RBMS3: variants seen among roughly 807,000 people sequenced by gnomAD.
The protein encoded by RBMS3 is RNA binding motif single stranded interacting protein 3.
In RBMS3, 27 loss-of-function variants were observed where a neutral mutation model predicts 66.8. The observed-to-expected ratio is 0.40, with a 90% CI of 0.30 to 0.56. The LOEUF (loss-of-function observed/expected upper bound fraction) is 0.56, where lower values mean the gene tolerates loss of function less well. Ranked by LOEUF, RBMS3 falls within the 20% of genes least tolerant of loss-of-function variation. RBMS3 has a pLI of 0.40. For missense variants in RBMS3, 513 were observed against 549.5 expected, an observed-to-expected ratio of 0.93 and a Z score of 0.66; for synonymous variants, 188 against 183.0, an observed-to-expected ratio of 1.03 and a Z score of -0.22.
chr3:29,994,660 C>T (rs886768839), intron 14 of RBMS3, among the ~76,000 whole-genome samples: 10 of 152,230 alleles, frequency 6.6e-5, no homozygotes, highest in African/African-American at 2.4e-4. Flanking sequence ...CCAGCAGGGG[C>T]ACACTGACAC....
intron 3 of RBMS3, among the ~76,000 whole-genome samples, chr3:29,534,938 A>T (rs768784370): frequency 6.6e-6 from 1 of 151,582 alleles, no homozygotes; most frequent in African/African-American, 2.4e-5. Context: ...CCCAACACAA[A>T]TTGAGAAAAG....
At chr3:29,597,150 T>G (rs2034911) in intron 4 of RBMS3, among the ~76,000 whole-genome samples, 22,767 of 152,216 alleles carry the variant, frequency 0.15, 1,960 homozygotes, top group East Asian at 0.32. Flanking sequence ...CTTGCATATA[T>G]TTACATGTGT....
intron 8 of RBMS3, among the ~76,000 whole-genome samples, chr3:29,890,796 T>C (rs1249562231): frequency 6.6e-6 from 1 of 151,602 alleles, no homozygotes; most frequent in Non-Finnish European, 1.5e-5. Flanking sequence ...ATGGTGATTC[T>C]CTGGGAAGGG....
At chr3:29,421,580 C>A (rs1379804246) in intron 1 of RBMS3, among the ~76,000 whole-genome samples, 1 of 152,080 alleles carries the variant, frequency 6.6e-6, no homozygotes, top group African/African-American at 2.4e-5. Flanking sequence ...TTAATTAGTA[C>A]TTTTACAACT....
chr3:29,723,304 C>T (rs547023340), intron 4 of RBMS3, among the ~76,000 whole-genome samples: 2 of 152,172 alleles, frequency 1.3e-5, no homozygotes, highest in South Asian at 2.1e-4. Flanking sequence ...ATACACTGAT[C>T]GTTCTAGCCT....
chr3:29,818,698 A>G (rs1291762082), intron 6 of RBMS3, among the ~76,000 whole-genome samples: 1 of 152,150 alleles, frequency 6.6e-6, no homozygotes, highest in Non-Finnish European at 1.5e-5. Flanking sequence ...TACCATAACT[A>G]TTGGTTAATT....
intron 2 of RBMS3, among the ~76,000 whole-genome samples, chr3:29,441,932 A>G (rs2041636103): frequency 6.6e-6 from 1 of 152,184 alleles, no homozygotes. Context: ...GAAGTATTAA[A>G]AATGAATATT....
chr3:29,734,029 C>T (rs1576647098), intron 4 of RBMS3, among the ~76,000 whole-genome samples: 1 of 150,974 alleles, frequency 6.6e-6, no homozygotes, highest in Non-Finnish European at 1.5e-5. Flanking sequence ...CACACACCCA[C>T]ACACACACAC....
chr3:29,717,925 A>T (rs575871493), intron 4 of RBMS3, among the ~76,000 whole-genome samples: 1 of 152,248 alleles, frequency 6.6e-6, no homozygotes, highest in Non-Finnish European at 1.5e-5. Flanking sequence ...ATTCATAAAG[A>T]TCATGAATGC....
intron 4 of RBMS3, among the ~76,000 whole-genome samples, chr3:29,697,300 C>G (rs1479983629): frequency 6.6e-6 from 1 of 152,162 alleles, no homozygotes; most frequent in Non-Finnish European, 1.5e-5. Context: ...ACAACTTCCT[C>G]CAAACCATTA....
chr3:29,555,484 C>T (rs551924242), intron 3 of RBMS3, among the ~76,000 whole-genome samples: 3 of 152,206 alleles, frequency 2.0e-5, no homozygotes, highest in South Asian at 2.1e-4. Context: ...CCAAGTAATC[C>T]GTCTGCTTGA....
intron 2 of RBMS3, among the ~76,000 whole-genome samples, chr3:29,464,391 T>C (rs547012057): frequency 6.6e-6 from 1 of 152,302 alleles, no homozygotes; most frequent in Non-Finnish European, 1.5e-5. Flanking sequence ...CAGCAGAGGA[T>C]AGACTGAGGC....
At chr3:29,426,311 CT>C (rs1291529377) in intron 1 of RBMS3, among the ~76,000 whole-genome samples, 4 of 152,164 alleles carry the variant, frequency 2.6e-5, no homozygotes, top group Non-Finnish European at 5.9e-5. Context: ...TATAGCACCA[CT>C]TTTTGCTAGC....
chr3:29,758,674 C>T (rs889270616), intron 5 of RBMS3, among the ~76,000 whole-genome samples: 1 of 152,196 alleles, frequency 6.6e-6, no homozygotes, highest in African/African-American at 2.4e-5. Context: ...GAAGAAAATT[C>T]ATCGCATTCA....
chr3:29,389,237 G>T (rs932913972), intron 1 of RBMS3, among the ~76,000 whole-genome samples: 2 of 151,940 alleles, frequency 1.3e-5, no homozygotes, highest in African/African-American at 4.8e-5. Context: ...CCATTAGTTT[G>T]GCTTTTTTAT....
chr3:29,495,086 A>C (rs866945253), intron 3 of RBMS3, among the ~76,000 whole-genome samples: 39 of 147,834 alleles, frequency 2.6e-4, no homozygotes, highest in Middle Eastern at 3.6e-3. Context: ...TCATCCATGA[A>C]GGATATTCAT....
chr3:29,694,861 T>C (rs540421705), intron 4 of RBMS3, among the ~76,000 whole-genome samples: 1 of 147,146 alleles, frequency 6.8e-6, no homozygotes, highest in Non-Finnish European at 1.5e-5. Flanking sequence ...AATTTTTTTT[T>C]AAAAAAAAAA....
chr3:29,499,519 G>A (rs991638525), intron 3 of RBMS3, among the ~76,000 whole-genome samples: 1 of 152,130 alleles, frequency 6.6e-6, no homozygotes, highest in East Asian at 1.9e-4. Context: ...GGCAATATAA[G>A]TACTTTAATA....
At chr3:29,911,441 G>A (rs2149632671) in intron 10 of RBMS3, among the ~76,000 whole-genome samples, 1 of 152,082 alleles carries the variant, frequency 6.6e-6, no homozygotes, top group South Asian at 2.1e-4. Context: ...CATTAAACAT[G>A]GCATCTTCTC....
Sources: allele counts gnomAD v4.1 joint callset (sites outside exome capture counted in the v4.1 genomes callset), GRCh38; gene constraint gnomAD v4.1.1; transcripts MANE v1.5; gene names NCBI Gene and HGNC (gene_info 2026-07-23, HGNC 2026-07-21).